The following TBL1XR1 variants were observed in gnomAD, a reference collection of about 807,000 sequenced individuals.
TBL1XR1 encodes the protein F-box-like/WD repeat-containing protein TBL1XR1.
In TBL1XR1, 5 loss-of-function variants were observed where a neutral mutation model predicts 66.9. The observed-to-expected ratio is 0.07, with a 90% CI of 0.04 to 0.16. TBL1XR1 has a LOEUF of 0.16. Among genes scored for constraint, TBL1XR1 ranks in the 10% least tolerant of loss-of-function variants. TBL1XR1 has a pLI of 1.00. For synonymous variants in TBL1XR1, 210 were observed against 206.0 expected, an observed-to-expected ratio of 1.02 and a Z score of -0.17; for missense variants, 238 against 623.2, an observed-to-expected ratio of 0.38 and a Z score of 6.58.
intron 2 of TBL1XR1, among the ~76,000 whole-genome samples, chr3:177,078,248 ATT>A (rs1487033468): frequency 2.0e-5 from 3 of 152,172 alleles, no homozygotes; most frequent in African/African-American, 7.2e-5. Context: ...ATTCAAATAT[ATT>A]TTTAAACTTT....
intron 4 of TBL1XR1, among the ~76,000 whole-genome samples, chr3:177,053,173 T>TA (rs1166892508): frequency 1.3e-5 from 2 of 152,190 alleles, no homozygotes; most frequent in African/African-American, 4.8e-5. Flanking sequence ...CCTTTTTCTG[T>TA]AAAAGAGTAG....
chr3:177,064,737 C>T (rs1208840867), intron 3 of TBL1XR1, among the ~76,000 whole-genome samples, 183 bp downstream of exon 3: 1 of 152,036 alleles, frequency 6.6e-6, no homozygotes. Context: ...TTGTTTGCAA[C>T]ATATTTGAAA....
intron 1 of TBL1XR1, among the ~76,000 whole-genome samples, chr3:177,154,144 A>G (rs1307363771): frequency 6.6e-6 from 1 of 152,114 alleles, no homozygotes; most frequent in Admixed American, 6.5e-5. Flanking sequence ...TCCTGTTTAA[A>G]AGAATCCCAT....
At chr3:177,148,166 C>T (rs12486881) in intron 1 of TBL1XR1, among the ~76,000 whole-genome samples, 57,180 of 151,996 alleles carry the variant, frequency 0.38, 11,068 homozygotes, top group Middle Eastern at 0.47. Flanking sequence ...GAATATAACA[C>T]AAACTTTTTA....
chr3:177,138,653 A>T (rs2108811723), intron 1 of TBL1XR1, among the ~76,000 whole-genome samples: 1 of 152,252 alleles, frequency 6.6e-6, no homozygotes, highest in African/African-American at 2.4e-5. Context: ...TTTCTGTGAG[A>T]GTAGCCAGGT....
intron 12 of TBL1XR1, among the ~76,000 whole-genome samples, chr3:177,034,684 T>C (rs996486893): frequency 5.9e-5 from 9 of 152,060 alleles, no homozygotes; most frequent in African/African-American, 1.9e-4. Flanking sequence ...CTTAGAATTT[T>C]AGAATCAGGA....
At chr3:177,136,216 C>A (rs1323198646) in intron 1 of TBL1XR1, 1 of 152,122 alleles carries the variant, frequency 6.6e-6, no homozygotes, top group Non-Finnish European at 1.5e-5. Flanking sequence ...GAGATAGGTA[C>A]CTGTGAATCA....
intron 2 of TBL1XR1, among the ~76,000 whole-genome samples, chr3:177,080,886 T>TA: frequency 6.6e-6 from 1 of 152,216 alleles, no homozygotes; most frequent in Non-Finnish European, 1.5e-5. Context: ...TTTGTTCCTT[T>TA]ATACTTCATT....
chr3:177,084,359 G>A (rs2108618590), intron 2 of TBL1XR1, among the ~76,000 whole-genome samples: 1 of 152,252 alleles, frequency 6.6e-6, no homozygotes. Context: ...CACCCCACAT[G>A]CACAATAGAT....
intron 2 of TBL1XR1, among the ~76,000 whole-genome samples, chr3:177,094,408 A>G (rs1190362613): frequency 1.3e-5 from 2 of 152,218 alleles, no homozygotes; most frequent in African/African-American, 2.4e-5. Flanking sequence ...ATGGAAATCA[A>G]TGTGGAGATT....
intron 1 of TBL1XR1, among the ~76,000 whole-genome samples, chr3:177,104,226 T>G (rs1051653177): frequency 1.3e-5 from 2 of 151,916 alleles, no homozygotes; most frequent in African/African-American, 2.4e-5. Context: ...CAGAAAAAGT[T>G]CAAATTAAAT....
chr3:177,156,549 T>A (rs371278804), intron 1 of TBL1XR1, among the ~76,000 whole-genome samples: 106 of 120,612 alleles, frequency 8.8e-4, no homozygotes, highest in Non-Finnish European at 1.4e-3. Flanking sequence ...ACACACACAC[T>A]TATATATATA....
chr3:177,032,484 T>A (rs1278475161), intron 14 of TBL1XR1: 5 of 152,202 alleles, frequency 3.3e-5, no homozygotes, highest in Admixed American at 3.3e-4. Context: ...TTGAGAAGAT[T>A]TAAAAAATTG....
intron 1 of TBL1XR1, among the ~76,000 whole-genome samples, chr3:177,135,357 ATATATATATATATATATATATATATG>A (rs1397947468): frequency 0.14 from 5,339 of 38,618 alleles, 512 homozygotes; most frequent in South Asian, 0.33. Flanking sequence ...ATATATATAT[ATATATATATATATATATATATATATG>A]TATGTATTTT....
intron 1 of TBL1XR1, among the ~76,000 whole-genome samples, chr3:177,112,021 G>T (rs1210127065): frequency 1.0e-5 from 1 of 95,458 alleles, no homozygotes; most frequent in African/African-American, 3.9e-5. Flanking sequence ...CTGAAACGAA[G>T]AAGAAAATAT....
At chr3:177,172,713 A>C (rs1733710114) in intron 1 of TBL1XR1, among the ~76,000 whole-genome samples, 1 of 148,872 alleles carries the variant, frequency 6.7e-6, no homozygotes, top group African/African-American at 2.5e-5. Flanking sequence ...GGAAGAGAAG[A>C]GCCAAGCCGA....
At chr3:177,063,637 C>T (rs1157638633) in intron 3 of TBL1XR1, among the ~76,000 whole-genome samples, 1 of 152,224 alleles carries the variant, frequency 6.6e-6, no homozygotes, top group Non-Finnish European at 1.5e-5. Flanking sequence ...CTAGTCACTA[C>T]TTTTTCACTT....
At chr3:177,079,486 C>T (rs1577100242) in intron 2 of TBL1XR1, 2 of 151,230 alleles carry the variant, frequency 1.3e-5, no homozygotes, top group South Asian at 2.1e-4. Flanking sequence ...ATCTTATCCA[C>T]ACTCTTGGAC....
chr3:177,110,284 T>C (rs922475610), intron 1 of TBL1XR1, among the ~76,000 whole-genome samples: 2 of 152,174 alleles, frequency 1.3e-5, no homozygotes, highest in African/African-American at 4.8e-5. Context: ...CCAAGACACA[T>C]GATACAGAAA....
Sources: allele counts gnomAD v4.1 joint callset (sites outside exome capture counted in the v4.1 genomes callset), GRCh38; gene constraint gnomAD v4.1.1; transcripts MANE v1.5; gene names NCBI Gene and HGNC (gene_info 2026-07-23, HGNC 2026-07-21).